The following IRF2BP2 variants were observed in gnomAD, a reference collection of about 807,000 sequenced individuals.
IRF2BP2 encodes interferon regulatory factor 2 binding protein 2.
Under a neutral mutation model 32.7 loss-of-function variants are expected in IRF2BP2, and 13 were observed. The observed-to-expected ratio is 0.40, with a 90% CI of 0.26 to 0.63. IRF2BP2 has a LOEUF of 0.63. IRF2BP2 is among the 30% of genes least tolerant of loss of function. The pLI, the probability that IRF2BP2 is intolerant of heterozygous loss-of-function variation, is 0.42. For missense variants in IRF2BP2, 980 were observed against 830.6 expected (o/e 1.18, Z -2.21); for synonymous variants, 555 against 384.6 (o/e 1.44, Z -5.18).
Position 234,609,885 on chromosome 1 carries a change from G to C in IRF2BP2, c.-391C>G. The stretch of plus-strand genomic sequence containing the variant: ...CGGGCGCGGGGGAGCGCAGCAGGTC[G>C]CGGCGGCGGCCGGCACGGAGTGCGG... On this transcript the variant is annotated 5_prime_UTR_variant, in exon 1 of 2. Coordinates refer to ENST00000366609, the MANE Select transcript of IRF2BP2 (RefSeq NM_182972.3). 7.2e-6 allele frequency among the ~76,000 whole-genome samples: 1 copy of C among 139,766 alleles called. No homozygotes were observed. Among genetic ancestry groups the C allele is most frequent in the Non-Finnish European group, 1.6e-5 (1 of 63,094 alleles). The allele number at this position is 139,766 out of a possible 152,430, so 91.7% of individuals were successfully genotyped here.
chr1:234,606,852 C>T lies in IRF2BP2; in HGVS notation c.*285G>A. ...TTTGCCAAGTGCTCTAAAAAAGCAG[C>T]GCAAGTCACAGCCTACATAGAACGG... On this transcript the variant is annotated 3_prime_UTR_variant, in exon 2 of 2. Coordinates refer to ENST00000366609, the MANE Select transcript of IRF2BP2 (RefSeq NM_182972.3). The T allele has an allele frequency of 4.1e-6, 1 of 243,418 alleles. No homozygotes were observed. Among genetic ancestry groups the T allele is most frequent in the Non-Finnish European group, 7.9e-6 (1 of 126,100 alleles). 15.1% of individuals were successfully genotyped at this position (243,418 alleles called of 1,614,324 possible).
In IRF2BP2 at chr1:234,607,289, T is replaced by C; in HGVS notation, c.1612A>G (p.Ile538Val). 6.2e-7 allele frequency: 1 copy of C among 1,614,208 alleles called. No individual in the cohort carries two copies. The highest frequency in any genetic ancestry group is 8.5e-7 in the Non-Finnish European group (1 of 1,180,022). ...KFCFPCSRQS[I>V]KQQGASGEVY... ...TCTCCACTAGCTCCCTGCTGTTTGATGCTTTGTCTGGAGCAAGGGAAGCAG... is the reference window on the plus strand; with the variant it reads ...TCTCCACTAGCTCCCTGCTGTTTGACGCTTTGTCTGGAGCAAGGGAAGCAG... Residue 538 changes from isoleucine (I) to valine (V), a missense_variant, in exon 2 of 2, where the codon ATC becomes GTC. By Grantham distance (29) the Ile-to-Val change is conservative (BLOSUM62 3). Transcript: ENST00000366609.
chr1:234,608,674 G>T lies in IRF2BP2; in HGVS notation c.821C>A (p.Ser274Tyr). 1 of 1,520,714 alleles carries T rather than the reference G, an allele frequency of 6.6e-7. No homozygotes were observed. The highest frequency in any genetic ancestry group is 8.7e-7 in the Non-Finnish European group (1 of 1,144,818). 94.2% of individuals were successfully genotyped at this position (1,520,714 alleles called of 1,614,324 possible). Residue 274 changes from serine (S) to tyrosine (Y), a missense_variant, in exon 1 of 2, where the codon TCC (serine) becomes TAC (tyrosine). By Grantham distance (144) the Ser-to-Tyr change is moderately radical. Coordinates refer to ENST00000366609, the MANE Select transcript of IRF2BP2 (RefSeq NM_182972.3). ...PAHRGPADSL[S>Y]TAAGAAELSA... ...CAGCTCGGCGGCCCCGGCCGCGGTGGACAGGCTGTCGGCCGGGCCCCGGTG... is the reference window on the plus strand; with the variant it reads ...CAGCTCGGCGGCCCCGGCCGCGGTGTACAGGCTGTCGGCCGGGCCCCGGTG...
In IRF2BP2 at chr1:234,609,467, C is replaced by A; in HGVS notation, c.28G>T (p.Ala10Ser). The change falls in exon 1 of 2, where the codon GCG becomes TCG. Residue 10 changes from alanine to serine, a missense_variant. Transcript: ENST00000366609. MAAAVAVAA[A>S]SRRQSCYLCD... Reference sequence around the variant, plus strand: ...AGGTAGCACGACTGCCGCCGGGACGCGGCCGCCACCGCCACCGCCGCGGCC... The same window carrying A: ...AGGTAGCACGACTGCCGCCGGGACGAGGCCGCCACCGCCACCGCCGCGGCC... 1 of 1,512,108 alleles carries A rather than the reference C, an allele frequency of 6.6e-7. No individual in the cohort carries two copies. Among genetic ancestry groups the A allele is most frequent in the Non-Finnish European group, 8.8e-7 (1 of 1,131,514 alleles). 93.7% of individuals were successfully genotyped at this position (1,512,108 alleles called of 1,614,324 possible). A position where few individuals can be genotyped will look rare whatever the true frequency, so the allele number is the denominator to read the frequency against.
chr1:234,608,343 T>C, intron 1 of IRF2BP2, 104 bp downstream of exon 1: 2 of 975,224 alleles, frequency 2.1e-6, no homozygotes, highest in Non-Finnish European at 1.5e-6. Context: ...GGGGTGTTTG[T>C]TGTTTCTGGG....
At position 234,609,592 on chromosome 1, in the gene IRF2BP2, C is replaced by A. The variant is rs1558310217; in HGVS notation, c.-98G>T. 5 of 618,956 alleles carry A rather than the reference C, an allele frequency of 8.1e-6. No individual in the cohort carries two copies. The highest frequency in any genetic ancestry group is 1.2e-5 in the Non-Finnish European group (5 of 433,222). The allele number at this position is 618,956 out of a possible 1,614,324, so 38.3% of individuals were successfully genotyped here. ...CACCACGCGCGCCCTCCTCCCCCCC[C>A]AACCCCGCGTCTCCCCCACCAGCGG... On this transcript the variant is annotated 5_prime_UTR_variant, in exon 1 of 2. Transcript: ENST00000366609.
rs1045343459 is a variant in IRF2BP2, at chr1:234,609,767, C to CGGGCGGCGCGGCGCGGCG, written c.-291_-274dup. On this transcript the variant is annotated 5_prime_UTR_variant, in exon 1 of 2. Coordinates refer to ENST00000366609, the MANE Select transcript of IRF2BP2 (RefSeq NM_182972.3). ...TCCCCCCGGCCGGCCCGGGCACGGG[C>CGGGCGGCGCGGCGCGGCG]GGGCGGCGCGGCGCGGCGGGGCGGC... Among the ~76,000 whole-genome samples the CGGGCGGCGCGGCGCGGCG allele has an allele frequency of 1.4e-5, 2 of 143,300 alleles. No individual in the cohort carries two copies. Among genetic ancestry groups the CGGGCGGCGCGGCGCGGCG allele is most frequent in the Non-Finnish European group, 3.1e-5 (2 of 64,652 alleles). The allele number at this position is 143,300 out of a possible 152,430, so 94.0% of individuals were successfully genotyped here.
At position 234,608,781 on chromosome 1, in the gene IRF2BP2, C is replaced by T; in HGVS notation, c.714G>A (p.Pro238=). ...QPTDLGAHKR[P]ASVSSSAAVE... ...CGGCAGCGCTGCTCGACACGGATGC[C>T]GGCCGCTTGTGGGCGCCCAGATCGG... The change falls in exon 1 of 2, where the codon CCG becomes CCA. Residue 238 remains proline, a synonymous_variant. Transcript: ENST00000366609. 4.8e-6 allele frequency: 7 copies of T among 1,443,850 alleles called. No individual in the cohort carries two copies. Among genetic ancestry groups the T allele is most frequent in the Non-Finnish European group, 6.3e-6 (7 of 1,106,746 alleles). 89.4% of individuals were successfully genotyped at this position (1,443,850 alleles called of 1,614,324 possible).
chr1:234,609,849 G>C lies in IRF2BP2; in HGVS notation c.-355C>G, dbSNP rs1672298485. ...CGGCGGGCCTCCAGACCGGGGCGAA[G>C]ACGGGCCGCGCGGGCGCGGGGGAGC... is the stretch of plus-strand genomic sequence containing the variant. On this transcript the variant is annotated 5_prime_UTR_variant, in exon 1 of 2. Coordinates refer to ENST00000366609, the MANE Select transcript of IRF2BP2 (RefSeq NM_182972.3). Among the ~76,000 whole-genome samples the C allele has an allele frequency of 8.5e-5, 12 of 141,634 alleles. No homozygotes were observed. The South Asian group carries it at 2.6e-3, about 30-fold the overall frequency. 92.9% of individuals were successfully genotyped at this position (141,634 alleles called of 152,430 possible).
intron 1 of IRF2BP2, 89 bp downstream of exon 1, chr1:234,608,358 G>C (rs565751662): frequency 7.2e-6 from 8 of 1,108,098 alleles, no homozygotes; most frequent in African/African-American, 1.6e-5. Flanking sequence ...TCTGGGCTGG[G>C]GTAAAATGGT....
In IRF2BP2 at chr1:234,610,159, C is replaced by T. The variant is rs961834207; in HGVS notation, c.-665G>A. Among the ~76,000 whole-genome samples, 6 of 148,606 alleles carry T rather than the reference C, an allele frequency of 4.0e-5. No homozygotes were observed. The highest frequency in any genetic ancestry group is 7.5e-5 in the Non-Finnish European group (5 of 66,592). On this transcript the variant is annotated 5_prime_UTR_variant, in exon 1 of 2. Transcript: ENST00000366609. ...CCACCGTCGCTGCTGCTGCTGCCGC[C>T]GCGACCGCTCCACTTCTACAGACTT...
rs1315577266 is a variant in IRF2BP2, at chr1:234,608,439, G to A, written c.1048+8C>T. On this transcript the variant is annotated splice_region_variant and intron_variant, in intron 1 of 1. Transcript: ENST00000366609. ...CCCTAGACCCCCTCACTTCACAGCC[G>A]CCCCTACCTGCTTTAGACCCGTTGG... 5 of 1,505,086 alleles carry A rather than the reference G, an allele frequency of 3.3e-6. No individual in the cohort carries two copies. The South Asian group carries it at 5.2e-5, about 16-fold the overall frequency. 93.2% of individuals were successfully genotyped at this position (1,505,086 alleles called of 1,614,324 possible).
At position 234,609,173 on chromosome 1, in the gene IRF2BP2, G is replaced by A. The variant is rs1362679022; in HGVS notation, c.322C>T (p.Pro108Ser). The change falls in exon 1 of 2, where the codon CCG becomes TCG. Residue 108 changes from proline (P) to serine (S), a missense_variant. Coordinates refer to ENST00000366609, the MANE Select transcript of IRF2BP2 (RefSeq NM_182972.3). The part of the protein sequence containing the change: ...QLGHGGPEAA[P>S]RAPQALERYP... ...CGCTCCAAGGCCTGCGGCGCGCGCGGGGCCGCCTCGGGGCCGCCGTGGCCA... is the reference window on the plus strand; with the variant it reads ...CGCTCCAAGGCCTGCGGCGCGCGCGAGGCCGCCTCGGGGCCGCCGTGGCCA... The A allele has an allele frequency of 2.3e-6, 3 of 1,280,212 alleles. No individual in the cohort carries two copies. Among genetic ancestry groups the A allele is most frequent in the Non-Finnish European group, 2.9e-6 (3 of 1,017,312 alleles). 79.3% of individuals were successfully genotyped at this position (1,280,212 alleles called of 1,614,324 possible). A position where few individuals can be genotyped will look rare whatever the true frequency, so the allele number is the denominator to read the frequency against.
chr1:234,607,004 AT>A lies in IRF2BP2; in HGVS notation c.*132del, dbSNP rs1285985803. On this transcript the variant is annotated 3_prime_UTR_variant, in exon 2 of 2. Transcript: ENST00000366609. ...TAGAAACACAATGTATTCAAAAAAAATCAAAATTATACAGCCATGTTTATGA... is the reference window on the plus strand; with the variant it reads ...TAGAAACACAATGTATTCAAAAAAAACAAAATTATACAGCCATGTTTATGA... 34 of 714,862 alleles carry A rather than the reference AT, an allele frequency of 4.8e-5. No individual in the cohort carries two copies. The highest frequency in any genetic ancestry group is 7.1e-5 in the Non-Finnish European group (31 of 437,804). 44.3% of individuals were successfully genotyped at this position (714,862 alleles called of 1,614,324 possible).
At position 234,605,575 on chromosome 1, in the gene IRF2BP2, A is replaced by G. The variant is rs1004302311; in HGVS notation, c.*1562T>C. ...GAATCCAAAGTTGGTAAAAATCTGTATTTTCAAATGTAAATAGAAGCTAGG... is the reference window on the plus strand; with the variant it reads ...GAATCCAAAGTTGGTAAAAATCTGTGTTTTCAAATGTAAATAGAAGCTAGG... On this transcript the variant is annotated 3_prime_UTR_variant, in exon 2 of 2. Coordinates refer to ENST00000366609, the MANE Select transcript of IRF2BP2 (RefSeq NM_182972.3). The G allele has an allele frequency of 6.6e-6, 1 of 152,244 alleles. No homozygotes were observed. Among genetic ancestry groups the G allele is most frequent in the Non-Finnish European group, 1.5e-5 (1 of 68,036 alleles). 9.4% of individuals were successfully genotyped at this position (152,244 alleles called of 1,614,324 possible).
rs1471903275 is a variant in IRF2BP2, at chr1:234,609,120, CCT to C, written c.373_374del (p.Arg125AlafsTer7). 3.4e-5 allele frequency: 42 copies of C among 1,227,490 alleles called. No individual in the cohort carries two copies. Among genetic ancestry groups the C allele is most frequent in the Non-Finnish European group, 4.3e-5 (42 of 986,280 alleles). 76.0% of individuals were successfully genotyped at this position (1,227,490 alleles called of 1,614,324 possible). On this transcript the variant is annotated frameshift_variant, in exon 1 of 2. Transcript: ENST00000366609. LOFTEE classifies it high-confidence loss of function. ...ERYPLAAAAE[R>X]PPRLGSDFGS... ...CGAAGTCAGAGCCGAGGCGCGGGGG[CCT>C]CTCGGCCGCGGCCGCCAACGGGTAG...
chr1:234,609,604 TCCCCCACCAGCGGCGGCGGCG>T lies in IRF2BP2; in HGVS notation c.-131_-111del. On this transcript the variant is annotated 5_prime_UTR_variant, in exon 1 of 2. Coordinates refer to ENST00000366609, the MANE Select transcript of IRF2BP2 (RefSeq NM_182972.3). ...CCTCCTCCCCCCCCAACCCCGCGTC[TCCCCCACCAGCGGCGGCGGCG>T]GCCGCAAAGGCGGCGGCGGCGGCGG... The T allele has an allele frequency of 1.9e-6, 1 of 517,988 alleles. No individual in the cohort carries two copies. Among genetic ancestry groups the T allele is most frequent in the South Asian group, 9.2e-5 (1 of 10,840 alleles). The allele number at this position is 517,988 out of a possible 1,614,324, so 32.1% of individuals were successfully genotyped here.
At position 234,610,154 on chromosome 1, in the gene IRF2BP2, G is replaced by A. The variant is rs1240214820; in HGVS notation, c.-660C>T. On this transcript the variant is annotated 5_prime_UTR_variant, in exon 1 of 2. Transcript: ENST00000366609. ...CGCCGCCACCGTCGCTGCTGCTGCT[G>A]CCGCCGCGACCGCTCCACTTCTACA... 2.7e-5 allele frequency among the ~76,000 whole-genome samples: 4 copies of A among 148,490 alleles called. No individual in the cohort carries two copies. In the South Asian group the frequency reaches 6.2e-4, roughly 23 times the overall value.
At position 234,607,270 on chromosome 1, in the gene IRF2BP2, C is replaced by G. The variant is rs775675963; in HGVS notation, c.1631G>C (p.Ser544Thr). 3 of 1,614,244 alleles carry G rather than the reference C, an allele frequency of 1.9e-6. No homozygotes were observed. The highest frequency in any genetic ancestry group is 2.5e-6 in the Non-Finnish European group (3 of 1,180,044). Reference sequence around the variant, plus strand: ...CCCACTGGGACAATAGACCTCTCCACTAGCTCCCTGCTGTTTGATGCTTTG... The same window carrying G: ...CCCACTGGGACAATAGACCTCTCCAGTAGCTCCCTGCTGTTTGATGCTTTG... The part of the protein sequence containing the change: ...SRQSIKQQGA[S>T]GEVYCPSGEK... The change falls in exon 2 of 2, where the codon AGT becomes ACT. Residue 544 changes from serine (S) to threonine (T), a missense_variant. Coordinates refer to ENST00000366609, the MANE Select transcript of IRF2BP2 (RefSeq NM_182972.3).
Sources: gnomAD v4.1 joint callset for allele counts (sites outside exome capture counted in the v4.1 genomes callset) on GRCh38, gnomAD v4.1.1 for gene constraint, MANE v1.5 for transcripts, NCBI Gene and HGNC (gene_info 2026-07-23, HGNC 2026-07-21) for gene names.